The following NUP54 variants were observed in gnomAD, a reference collection of about 807,000 sequenced individuals.
NUP54 encodes the protein nucleoporin 54.
Under a neutral mutation model 66.4 loss-of-function variants are expected in NUP54, and 27 were observed. That is an observed-to-expected ratio of 0.41 (90% CI 0.30 to 0.56). The LOEUF is 0.56. Ranked by LOEUF, NUP54 falls within the 20% of genes least tolerant of loss-of-function variation. The probability of loss-of-function intolerance (pLI) is 0.34; values close to 1 mark genes in which losing one functional copy is unlikely to be tolerated. For synonymous variants in NUP54, 206 were observed against 210.7 expected (o/e 0.98, Z 0.19); for missense variants, 486 against 596.3 (o/e 0.82, Z 1.93).
intron 1 of NUP54, among the ~76,000 whole-genome samples, chr4:76,145,195 G>A (rs908911220): frequency 6.6e-6 from 1 of 151,628 alleles, no homozygotes; most frequent in Non-Finnish European, 1.5e-5. Context: ...GCGGGCGCCT[G>A]TAGTCCCAGC....
chr4:76,115,601 C>G (rs1319484222), intron 11 of NUP54, 107 bp from the exon 12 acceptor site: 9 of 721,100 alleles, frequency 1.2e-5, no homozygotes, highest in Non-Finnish European at 1.9e-5. Context: ...CAACACAGTA[C>G]CTAGTAAGTG....
intron 9 of NUP54, among the ~76,000 whole-genome samples, chr4:76,119,943 T>C (rs1156333885): frequency 6.6e-6 from 1 of 152,110 alleles, no homozygotes; most frequent in Non-Finnish European, 1.5e-5. Flanking sequence ...ATATTAACCA[T>C]TAAATTTTAT....
intron 1 of NUP54, among the ~76,000 whole-genome samples, chr4:76,147,143 C>T (rs1731535659): frequency 6.6e-6 from 1 of 152,092 alleles, no homozygotes; most frequent in Non-Finnish European, 1.5e-5. Context: ...CTGCAGGAGT[C>T]CAAGAATCCC....
chr4:76,138,754 C>A (rs566048387), intron 3 of NUP54, among the ~76,000 whole-genome samples: 52 of 152,130 alleles, frequency 3.4e-4, no homozygotes, highest in Middle Eastern at 3.4e-3. Flanking sequence ...GAGGTAAAGG[C>A]CAACAGTATG....
chr4:76,144,469 C>A lies in NUP54; in HGVS notation c.72G>T (p.Gly24=). The A allele has an allele frequency of 6.3e-7, 1 of 1,587,068 alleles. No individual in the cohort carries two copies. The highest frequency in any genetic ancestry group is 1.4e-5 in the African/African-American group (1 of 73,504). ...TAGATGTTGTCCCAAATCCTCCAAA[C>A]CCACCTAATTAAAAAAGAACAAAAA... ...TAAATAAPAG[G]FGGFGTTSTT... The change falls in exon 2 of 12, where the codon GGG becomes GGT. Residue 24 remains glycine (G), a synonymous_variant. Transcript: ENST00000264883.
In NUP54 at chr4:76,115,152, T is replaced by A. The variant is rs1729892283; in HGVS notation, c.*214A>T. The stretch of plus-strand genomic sequence containing the variant: ...CACTTCTTTTAAAGTAAATACAGCT[T>A]TTAGATATAAATCTTTCAAAGGTTT... On this transcript the variant is annotated 3_prime_UTR_variant, in exon 12 of 12. Coordinates refer to ENST00000264883, the MANE Select transcript of NUP54 (RefSeq NM_017426.4). 1 of 400,818 alleles carries A rather than the reference T, an allele frequency of 2.5e-6. No homozygotes were observed. The highest frequency in any genetic ancestry group is 2.1e-5 in the African/African-American group (1 of 48,136). The allele number at this position is 400,818 out of a possible 1,614,324, so 24.8% of individuals were successfully genotyped here.
intron 1 of NUP54, chr4:76,146,026 C>CATTATTATTCATTAT: frequency 2.5e-6 from 1 of 393,188 alleles, no homozygotes; most frequent in South Asian, 1.9e-5. Flanking sequence ...TTCTTCACTT[C>CATTATTATTCATTAT]CATAGAATAA....
chr4:76,139,784 T>TA (rs34082516), intron 3 of NUP54, among the ~76,000 whole-genome samples: 1 of 152,080 alleles, frequency 6.6e-6, no homozygotes, highest in East Asian at 1.9e-4. Flanking sequence ...ATCAGTGATT[T>TA]AAAAAAAGGA....
chr4:76,132,751 G>A (rs760107075), intron 5 of NUP54, 32 bp from the exon 6 acceptor site: 6 of 1,549,840 alleles, frequency 3.9e-6, no homozygotes, highest in Non-Finnish European at 3.5e-6. Flanking sequence ...TATAAAATAT[G>A]GAGCACAAAA....
Position 76,117,617 on chromosome 4 carries a change from AGTG to A in NUP54, c.1395+44_1395+46del, listed in dbSNP as rs1014406005. On this transcript the variant is annotated intron_variant, in intron 11 of 11. Transcript: ENST00000264883. ...ATAATAGCCATCCTAATAGGTGTGAAGTGGTGAGCTCACACTTTAAATAATGCA... is the reference window on the plus strand; with the variant it reads ...ATAATAGCCATCCTAATAGGTGTGAAGTGAGCTCACACTTTAAATAATGCA... 8.9e-6 allele frequency: 10 copies of A among 1,121,916 alleles called. No individual in the cohort carries two copies. In the African/African-American group the frequency reaches 1.4e-4, roughly 16 times the overall value. The allele number at this position is 1,121,916 out of a possible 1,614,324, so 69.5% of individuals were successfully genotyped here.
In NUP54 at chr4:76,124,676, G is replaced by T. The variant is rs779033921; in HGVS notation, c.1137C>A (p.Leu379=). The change falls in exon 9 of 12, where the codon CTC becomes CTA. Residue 379 remains leucine (L), a synonymous_variant. Transcript: ENST00000264883. ...VAKIAQYKRK[L]MDLSHRTLQV... is the part of the protein sequence containing the mutation. ...GTAAAGTTCTATGGGAAAGATCCAT[G>T]AGTTTCCTCTTGTATTGTGCAATTT... 3.4e-5 allele frequency: 53 copies of T among 1,558,516 alleles called. No individual in the cohort carries two copies. The highest frequency in any genetic ancestry group is 4.4e-5 in the Non-Finnish European group (50 of 1,143,414).
chr4:76,136,635 A>T (rs1316849496), intron 3 of NUP54, among the ~76,000 whole-genome samples: 1 of 152,192 alleles, frequency 6.6e-6, no homozygotes, highest in Non-Finnish European at 1.5e-5. Flanking sequence ...GAGGGACTCA[A>T]CGTAATCATA....
intron 1 of NUP54, among the ~76,000 whole-genome samples, chr4:76,145,312 C>T (rs1356961932): frequency 6.2e-5 from 7 of 113,650 alleles, no homozygotes; most frequent in East Asian, 2.7e-4. Context: ...GGTGAGACTC[C>T]GTCTCAAAAA....
Position 76,119,411 on chromosome 4 carries a change from T to C in NUP54, c.1165-1217A>G, listed in dbSNP as rs537088788. ...TGTTTTTGTTTTTCTGAGACGACCT[T>C]GCTTTCTTGCCCAGGCTGGAGGGCA... On this transcript the variant is annotated intron_variant, in intron 9 of 11. Coordinates refer to ENST00000264883, the MANE Select transcript of NUP54 (RefSeq NM_017426.4). 5.3e-5 allele frequency among the ~76,000 whole-genome samples: 8 copies of C among 152,262 alleles called. 1 individual carries two copies. In the South Asian group the frequency reaches 1.2e-3, roughly 24 times the overall value.
intron 4 of NUP54, among the ~76,000 whole-genome samples, chr4:76,135,655 G>A (rs13135639): frequency 0.48 from 73,148 of 152,048 alleles, 18,629 homozygotes; most frequent in East Asian, 0.9. Flanking sequence ...ATTGCAATAC[G>A]TAATTTGTTA....
intron 8 of NUP54, among the ~76,000 whole-genome samples, chr4:76,128,665 A>T (rs968279102): frequency 1.3e-5 from 2 of 152,244 alleles, no homozygotes; most frequent in African/African-American, 4.8e-5. Context: ...GTCTTGAGTA[A>T]GTGTCCATGA....
At position 76,130,641 on chromosome 4, in the gene NUP54, A is replaced by C. The variant is rs374605670; in HGVS notation, c.1056+15T>G. On this transcript the variant is annotated intron_variant, in intron 8 of 11. Coordinates refer to ENST00000264883, the MANE Select transcript of NUP54 (RefSeq NM_017426.4). ...CCTACTTCCAGGGCCAGGGAATAAA[A>C]AGCTAAATGCTTACATCTAATCTGG... 5 of 1,579,882 alleles carry C rather than the reference A, an allele frequency of 3.2e-6. No homozygotes were observed. In the African/African-American group the frequency reaches 6.7e-5, roughly 21 times the overall value.
intron 1 of NUP54, chr4:76,146,276 A>T (rs1731495145): frequency 8.9e-6 from 2 of 225,950 alleles, no homozygotes; most frequent in East Asian, 2.6e-4. Flanking sequence ...AAATCAAGCA[A>T]ATACCAACAA....
Position 76,130,037 on chromosome 4 carries a change from G to A in NUP54, c.1056+619C>T, listed in dbSNP as rs868562603. Among the ~76,000 whole-genome samples, 286 of 111,612 alleles carry A rather than the reference G, an allele frequency of 2.6e-3. 2 individuals are homozygous for A. The highest frequency in any genetic ancestry group is 9.7e-3 in the African/African-American group (273 of 28,222). 73.2% of individuals were successfully genotyped at this position (111,612 alleles called of 152,430 possible). On this transcript the variant is annotated intron_variant, in intron 8 of 11. Coordinates refer to ENST00000264883, the MANE Select transcript of NUP54 (RefSeq NM_017426.4). The stretch of plus-strand genomic sequence containing the variant: ...ACTCTGTCGCCCAGGCTGGAGTGCA[G>A]TGGCACGATTTCTGTTCACTGCAAC...
Sources: gnomAD v4.1 joint callset for allele counts (sites outside exome capture counted in the v4.1 genomes callset) on GRCh38, gnomAD v4.1.1 for gene constraint, MANE v1.5 for transcripts, NCBI Gene and HGNC (gene_info 2026-07-23, HGNC 2026-07-21) for gene names.